The following RABGAP1L variants were observed in gnomAD, a reference collection of about 807,000 sequenced individuals.
RABGAP1L encodes RAB GTPase activating protein 1 like.
RABGAP1L carries 63 observed loss-of-function variants against 137.7 expected under a neutral mutation model. The observed-to-expected ratio is 0.46, with a 90% CI of 0.37 to 0.56. The LOEUF (loss-of-function observed/expected upper bound fraction) is 0.56. Among genes scored for constraint, RABGAP1L ranks in the 20% least tolerant of loss-of-function variants. The pLI is 0.00. For missense variants in RABGAP1L, 1,095 were observed against 1,244.0 expected (o/e 0.88, Z 1.80); for synonymous variants, 431 against 433.7 (o/e 0.99, Z 0.08).
chr1:174,496,103 C>A (rs1660709497), intron 13 of RABGAP1L, among the ~76,000 whole-genome samples: 2 of 151,926 alleles, frequency 1.3e-5, no homozygotes, highest in South Asian at 4.1e-4. Context: ...TTTCCTGAAA[C>A]AAATGAAGAT....
At chr1:174,170,121 T>C (rs1190718739) in intron 1 of RABGAP1L, among the ~76,000 whole-genome samples, 2 of 152,212 alleles carry the variant, frequency 1.3e-5, no homozygotes, top group African/African-American at 4.8e-5. Context: ...TGGGAGACAG[T>C]GTAGATAGAA....
chr1:174,732,341 G>A (rs983176573), intron 17 of RABGAP1L, among the ~76,000 whole-genome samples: 5 of 152,156 alleles, frequency 3.3e-5, no homozygotes, highest in Non-Finnish European at 5.9e-5. Flanking sequence ...CTTAAAGCCG[G>A]AGCAGATAGT....
In RABGAP1L at chr1:174,209,121, A is replaced by G. The variant is rs185135860; in HGVS notation, c.-33-10004A>G. ...AGTACACAGTAGGGTTCACACTCCT[A>G]TGAGAATCTAATGCCACTGCTGATT... On this transcript the variant is annotated intron_variant, in intron 1 of 25. Transcript: ENST00000681986. Among the ~76,000 whole-genome samples, 22 of 152,290 alleles carry G rather than the reference A, an allele frequency of 1.4e-4. No individual in the cohort carries two copies. The East Asian group carries it at 1.9e-3, about 13-fold the overall frequency.
At chr1:174,631,892 C>T (rs1572604213) in intron 13 of RABGAP1L, among the ~76,000 whole-genome samples, 1 of 142,480 alleles carries the variant, frequency 7.0e-6, no homozygotes, top group Middle Eastern at 3.6e-3. Flanking sequence ...AGTCCATTTA[C>T]ATTTAAAGTT....
chr1:174,948,060 G>A (rs752151100), intron 19 of RABGAP1L, among the ~76,000 whole-genome samples: 16 of 152,014 alleles, frequency 1.1e-4, no homozygotes, highest in Non-Finnish European at 1.8e-4. Flanking sequence ...GTTTAGTTCA[G>A]TGGTTTTCAG....
At chr1:174,440,505 C>G (rs1162085804) in intron 13 of RABGAP1L, among the ~76,000 whole-genome samples, 1 of 152,104 alleles carries the variant, frequency 6.6e-6, no homozygotes, top group Non-Finnish European at 1.5e-5. Flanking sequence ...ATTCTGAATG[C>G]GTAAGCCTTT....
Position 174,605,858 on chromosome 1 carries a change from A to G in RABGAP1L, c.1711-31517A>G, listed in dbSNP as rs534973586. Among the ~76,000 whole-genome samples, 87 of 152,252 alleles carry G rather than the reference A, an allele frequency of 5.7e-4. 2 individuals carry two copies. The South Asian group carries it at 0.018, about 31-fold the overall frequency. Reference sequence around the variant, plus strand: ...CATTCCTTCTTAAAGCGAATTTTCTATTTGTAAATTGATGATTTATTTGGG... The same window carrying G: ...CATTCCTTCTTAAAGCGAATTTTCTGTTTGTAAATTGATGATTTATTTGGG... On this transcript the variant is annotated intron_variant, in intron 13 of 25. Coordinates refer to ENST00000681986, the MANE Select transcript of RABGAP1L (RefSeq NM_001366446.1).
In RABGAP1L at chr1:174,165,145, A is replaced by C. The variant is rs989492931; in HGVS notation, c.-34+5488A>C. On this transcript the variant is annotated intron_variant, in intron 1 of 25. Coordinates refer to ENST00000681986, the MANE Select transcript of RABGAP1L (RefSeq NM_001366446.1). ...CTATAAGAGTTTAGAGAGGAGGGAG[A>C]GATTACTTTTATTTTTGTTTGTTTG... 6.1e-4 allele frequency among the ~76,000 whole-genome samples: 92 copies of C among 151,992 alleles called. 1 individual carries two copies. The highest frequency in any genetic ancestry group is 1.2e-4 in the Non-Finnish European group (8 of 67,974).
chr1:174,577,679 C>T (rs947847059), intron 13 of RABGAP1L, among the ~76,000 whole-genome samples: 18 of 152,080 alleles, frequency 1.2e-4, no homozygotes, highest in South Asian at 2.1e-4. Flanking sequence ...TAAACCTGAG[C>T]GTAATCTGTT....
intron 13 of RABGAP1L, among the ~76,000 whole-genome samples, chr1:174,552,011 C>A (rs183812017): frequency 6.6e-6 from 1 of 152,134 alleles, no homozygotes; most frequent in Admixed American, 6.5e-5. Context: ...GCTATTTAAC[C>A]ATTGAAGAAA....
intron 11 of RABGAP1L, among the ~76,000 whole-genome samples, chr1:174,315,325 C>G (rs985680177): frequency 6.6e-6 from 1 of 151,750 alleles, no homozygotes; most frequent in Admixed American, 6.6e-5. Flanking sequence ...TGTTTGTTTT[C>G]TTGTTTCAGT....
At chr1:174,981,541 T>C (rs1334527965) in intron 23 of RABGAP1L, among the ~76,000 whole-genome samples, 4 of 145,090 alleles carry the variant, frequency 2.8e-5, no homozygotes, top group Admixed American at 7.2e-5. Flanking sequence ...ACATCCCCTG[T>C]TTTTCCATCT....
Position 174,448,207 on chromosome 1 carries a change from C to G in RABGAP1L, c.1710+54062C>G. The G allele has an allele frequency of 6.2e-7, 1 of 1,613,912 alleles. No homozygotes were observed. Among genetic ancestry groups the G allele is most frequent in the Non-Finnish European group, 8.5e-7 (1 of 1,179,872 alleles). Reference sequence around the variant, plus strand: ...GTCACTCCTGCCCACTTGGATTTGGCCACTACAGTGTGGTGGATGTCTGCA... The same window carrying G: ...GTCACTCCTGCCCACTTGGATTTGGGCACTACAGTGTGGTGGATGTCTGCA... On this transcript the variant is annotated intron_variant, in intron 13 of 25. Transcript: ENST00000681986. The surrounding 1 kb of genome is among the most constrained non-coding windows in gnomAD (Gnocchi z 4.2).
intron 11 of RABGAP1L, among the ~76,000 whole-genome samples, chr1:174,319,425 A>G (rs897456011): frequency 5.9e-5 from 9 of 152,130 alleles, no homozygotes; most frequent in Non-Finnish European, 2.9e-5. Context: ...AATTCTAAGA[A>G]GCTTTTGTTT....
chr1:174,479,459 C>T (rs1658850818), intron 13 of RABGAP1L, among the ~76,000 whole-genome samples: 1 of 152,154 alleles, frequency 6.6e-6, no homozygotes, highest in South Asian at 2.1e-4. Context: ...GAAAACTCCT[C>T]AGATTTTGAT....
At chr1:174,600,783 T>A (rs1670345673) in intron 13 of RABGAP1L, among the ~76,000 whole-genome samples, 1 of 152,186 alleles carries the variant, frequency 6.6e-6, no homozygotes, top group Admixed American at 6.5e-5. Flanking sequence ...TGTCTGCAGC[T>A]TTTCCAGGCA....
rs754726881 is a variant in RABGAP1L at position 174,957,465 on chromosome 1, C to G, written c.2349C>G (p.Thr783=). The G allele has an allele frequency of 3.1e-6, 5 of 1,613,072 alleles. No individual in the cohort carries two copies. The highest frequency in any genetic ancestry group is 4.2e-6 in the Non-Finnish European group (5 of 1,179,188). Residue 783 remains threonine (T), a synonymous_variant, in exon 20 of 26, where the codon ACC becomes ACG. Coordinates refer to ENST00000681986, the MANE Select transcript of RABGAP1L (RefSeq NM_001366446.1). The part of the protein sequence containing the change: ...MEQACNIKVP[T]KKLKKYEKEY... ...TCCTCAAATCCCTGCAGGTACCAAC[C>G]AAGAAGCTGAAGAAATATGAGAAAG...
At chr1:174,850,593 T>TA (rs1411027040) in intron 19 of RABGAP1L, among the ~76,000 whole-genome samples, 1 of 152,218 alleles carries the variant, frequency 6.6e-6, no homozygotes, top group Non-Finnish European at 1.5e-5. Context: ...ATGTTTACCT[T>TA]ACGTTTTCAG....
intron 13 of RABGAP1L, among the ~76,000 whole-genome samples, chr1:174,550,419 G>A (rs1253698710): frequency 6.6e-6 from 1 of 152,092 alleles, no homozygotes; most frequent in African/African-American, 2.4e-5. Context: ...GAAAATCATC[G>A]AGTCAACAAC....
Sources: gnomAD v4.1 joint callset for allele counts (sites outside exome capture counted in the v4.1 genomes callset) on GRCh38, gnomAD v4.1.1 for gene constraint, Gnocchi (gnomAD v3.1) non-coding constraint, MANE v1.5 for transcripts, NCBI Gene and HGNC (gene_info 2026-07-23, HGNC 2026-07-21) for gene names.